SLC7A7: variants seen among roughly 807,000 people sequenced by gnomAD.
SLC7A7 encodes solute carrier family 7 member 7.
SLC7A7 carries 39 observed loss-of-function variants against 47.9 expected under a neutral mutation model. The ratio of observed to expected loss-of-function variants is 0.81; its 90% CI spans 0.63 to 1.06. The LOEUF (loss-of-function observed/expected upper bound fraction) is 1.06, where lower values mean the gene tolerates loss of function less well. SLC7A7 is among the 50% of genes least tolerant of loss of function. The pLI is 0.00. For missense variants in SLC7A7, 588 were observed against 632.0 expected (o/e 0.93, Z 0.75); for synonymous variants, 234 against 242.8 (o/e 0.96, Z 0.34).
Position 22,775,497 on chromosome 14 carries a change from T to C in SLC7A7, c.1042A>G (p.Ile348Val). 1 of 1,614,194 alleles carries C rather than the reference T, an allele frequency of 6.2e-7. No homozygotes were observed. Among genetic ancestry groups the C allele is most frequent in the Non-Finnish European group, 8.5e-7 (1 of 1,180,038 alleles). Residue 348 changes from isoleucine (I) to valine (V), a missense_variant, in exon 7 of 10, where the codon ATC becomes GTC. By Grantham distance (29) the Ile-to-Val change is conservative. Coordinates refer to ENST00000674313, the MANE Select transcript of SLC7A7 (RefSeq NM_003982.4). ...AACCGCTCAACATGGATCATGCAGA[T>C]GGCATCAGGGAGATGGCCTTCTCTT... ...GSREGHLPDA[I>V]CMIHVERFTP...
rs17122373 is a variant in SLC7A7 at position 22,780,285 on chromosome 14, A to G, written c.500-234T>C. 1.1e-3 allele frequency: 556 copies of G among 500,884 alleles called. 6 individuals carry two copies. The highest frequency in any genetic ancestry group is 1.0e-2 in the African/African-American group (517 of 51,744). 31.0% of individuals were successfully genotyped at this position (500,884 alleles called of 1,614,324 possible). ...ACCTTATATGGGAGACACAAAACAA[A>G]GTGACTGCAGATCTGCTTACATAAA... is the stretch of plus-strand genomic sequence containing the variant. On this transcript the variant is annotated intron_variant, in intron 2 of 9. Coordinates refer to ENST00000674313, the MANE Select transcript of SLC7A7 (RefSeq NM_003982.4).
Position 22,778,786 on chromosome 14 carries a change from T to C in SLC7A7, c.770+7A>G, listed in dbSNP as rs774913676. The C allele has an allele frequency of 4.3e-6, 7 of 1,613,934 alleles. No homozygotes were observed. Among genetic ancestry groups the C allele is most frequent in the Non-Finnish European group, 8.5e-7 (1 of 1,179,856 alleles). On this transcript the variant is annotated splice_region_variant and intron_variant, in intron 4 of 9. Transcript: ENST00000674313. ...CTGCTATGGAAAGTTGGTGGTGCAG[T>C]ACCTACCTCTCAGGATTCTTGATCT...
At chr14:22,775,689 A>G in intron 6 of SLC7A7, 144 bp downstream of exon 6, 1 of 918,310 alleles carries the variant, frequency 1.1e-6, no homozygotes, top group East Asian at 2.4e-5. Flanking sequence ...GATTAATGAC[A>G]ACTGCAGGCT....
At chr14:22,787,695 G>A (rs1389144630) in intron 2 of SLC7A7, among the ~76,000 whole-genome samples, 1 of 152,138 alleles carries the variant, frequency 6.6e-6, no homozygotes, top group Non-Finnish European at 1.5e-5. Context: ...GGCAGAGGTT[G>A]CACTGAGCCA....
intron 2 of SLC7A7, among the ~76,000 whole-genome samples, chr14:22,793,991 C>T (rs1001348356): frequency 1.3e-5 from 2 of 152,102 alleles, no homozygotes; most frequent in African/African-American, 4.8e-5. Flanking sequence ...TTGTGGCCCC[C>T]ACCCAGGAAC....
chr14:22,799,448 CT>C (rs56375225), intron 2 of SLC7A7, among the ~76,000 whole-genome samples: 7,168 of 76,166 alleles, frequency 0.094, 50 homozygotes, highest in South Asian at 0.13. Context: ...TTTTTTCTTT[CT>C]TTTTTTTTTT....
chr14:22,795,428 TTC>T (rs2039002210), intron 2 of SLC7A7, among the ~76,000 whole-genome samples: 1 of 135,824 alleles, frequency 7.4e-6, no homozygotes, highest in Non-Finnish European at 1.5e-5. Flanking sequence ...CTTTCTTTCT[TTC>T]TTTCTTTCTT....
chr14:22,810,703 C>A (rs1232890645), intron 2 of SLC7A7, among the ~76,000 whole-genome samples: 1 of 151,702 alleles, frequency 6.6e-6, no homozygotes, highest in Non-Finnish European at 1.5e-5. Context: ...GAAGGCTGGG[C>A]ACAGTGGCTC....
chr14:22,794,440 G>A (rs1200139313), intron 2 of SLC7A7, among the ~76,000 whole-genome samples: 1 of 152,142 alleles, frequency 6.6e-6, no homozygotes, highest in Admixed American at 6.5e-5. Context: ...AACCCCGTGA[G>A]TCCCTTCTCC....
intron 2 of SLC7A7, among the ~76,000 whole-genome samples, chr14:22,810,321 G>A (rs1023354004): frequency 4.0e-5 from 6 of 151,056 alleles, no homozygotes; most frequent in East Asian, 2.0e-4. Context: ...AAAATTAGCC[G>A]GGCATGGTAG....
At chr14:22,818,217 G>A (rs1366726602), upstream of SLC7A7, among the ~76,000 whole-genome samples, 1 of 150,320 alleles carries the variant, frequency 6.7e-6, no homozygotes, top group Admixed American at 6.6e-5. Flanking sequence ...CATCTGAAAA[G>A]TGAAGTCCTA....
chr14:22,810,476 A>G (rs1206883076), intron 2 of SLC7A7, among the ~76,000 whole-genome samples: 2 of 151,546 alleles, frequency 1.3e-5, no homozygotes, highest in Non-Finnish European at 2.9e-5. Flanking sequence ...AAAAAAAAAA[A>G]AAATAGATTT....
chr14:22,808,226 T>C (rs2039245795), intron 2 of SLC7A7, among the ~76,000 whole-genome samples: 1 of 152,164 alleles, frequency 6.6e-6, no homozygotes, highest in Non-Finnish European at 1.5e-5. Flanking sequence ...GTACAAATTA[T>C]ATTGCATGAC....
At chr14:22,796,775 A>G (rs1202191637) in intron 2 of SLC7A7, among the ~76,000 whole-genome samples, 1 of 152,182 alleles carries the variant, frequency 6.6e-6, no homozygotes, top group Non-Finnish European at 1.5e-5. Context: ...GGCTCTGAGG[A>G]AAGGACAGTC....
chr14:22,816,935 C>A (rs1479629465), upstream of SLC7A7, among the ~76,000 whole-genome samples: 7 of 151,968 alleles, frequency 4.6e-5, no homozygotes, highest in African/African-American at 1.7e-4. Flanking sequence ...GGAGACTCTC[C>A]TTTTCTCCAA....
intron 2 of SLC7A7, among the ~76,000 whole-genome samples, chr14:22,798,411 G>A (rs775252379): frequency 5.9e-5 from 9 of 152,150 alleles, no homozygotes; most frequent in East Asian, 1.9e-4. Context: ...CTGATTCCAC[G>A]CTGTTCACCA....
At chr14:22,798,324 G>T (rs1388384930) in intron 2 of SLC7A7, among the ~76,000 whole-genome samples, 1 of 151,878 alleles carries the variant, frequency 6.6e-6, no homozygotes, top group African/African-American at 2.4e-5. Flanking sequence ...GAAGGAGAAG[G>T]AGGAAAAGGA....
At position 22,775,460 on chromosome 14, in the gene SLC7A7, G is replaced by C; in HGVS notation, c.1079C>G (p.Pro360Arg). ...MIHVERFTPV[P>R]SLLFNGIMAL... ...TTCACTTACATTGAAGAGCAGAGAA[G>C]GCACTGGTGTGAACCGCTCAACATG... is the stretch of plus-strand genomic sequence containing the variant. Residue 360 changes from proline to arginine, a missense_variant, in exon 7 of 10, where the codon CCT (proline) becomes CGT (arginine). By Grantham distance (103) the Pro-to-Arg change is moderately radical. Coordinates refer to ENST00000674313, the MANE Select transcript of SLC7A7 (RefSeq NM_003982.4). The C allele has an allele frequency of 6.2e-7, 1 of 1,613,968 alleles. No individual in the cohort carries two copies. Among genetic ancestry groups the C allele is most frequent in the African/African-American group, 1.3e-5 (1 of 75,066 alleles).
chr14:22,803,158 G>A (rs1045506832), intron 2 of SLC7A7, among the ~76,000 whole-genome samples: 2 of 152,168 alleles, frequency 1.3e-5, no homozygotes, highest in African/African-American at 4.8e-5. Flanking sequence ...GGTGGCTCAT[G>A]CCTGTAATCC....
Sources: allele counts gnomAD v4.1 joint callset (sites outside exome capture counted in the v4.1 genomes callset), GRCh38; gene constraint gnomAD v4.1.1; transcripts MANE v1.5; gene names NCBI Gene and HGNC (gene_info 2026-07-23, HGNC 2026-07-21).